ZCCHC2: variants seen among roughly 807,000 people sequenced by gnomAD.
The protein encoded by ZCCHC2 is zinc finger CCHC-type containing 2.
ZCCHC2 carries 39 observed loss-of-function variants against 103.6 expected under a neutral mutation model. The observed-to-expected ratio is 0.38, with a 90% CI of 0.29 to 0.49. The LOEUF is 0.49. Ranked by LOEUF, ZCCHC2 falls within the 20% of genes least tolerant of loss-of-function variation. The pLI, the probability that ZCCHC2 is intolerant of heterozygous loss-of-function variation, is 0.96. For synonymous variants in ZCCHC2, 687 were observed against 608.9 expected, an observed-to-expected ratio of 1.13 and a Z score of -1.89; for missense variants, 1,483 against 1,491.0, an observed-to-expected ratio of 0.99 and a Z score of 0.09.
rs749285447 is a variant in ZCCHC2 at position 62,574,859 on chromosome 18, C to T, written c.2778C>T (p.Gly926=). ...YPLPGSPLAA[G]VLPSQNSSVL... ...TACCAGGCTCTCCCCTTGCTGCCGG[C>T]GTGTTACCCAGCCAGAACTCCAGTG... is the stretch of plus-strand genomic sequence containing the variant. Residue 926 remains glycine, a synonymous_variant, in exon 13 of 14, where the codon GGC becomes GGT. Transcript: ENST00000269499. The T allele has an allele frequency of 1.1e-5, 17 of 1,613,726 alleles. No individual in the cohort carries two copies. The highest frequency in any genetic ancestry group is 3.3e-5 in the Admixed American group (2 of 60,010).
exon 15 of ZCCHC2, chr18:62,584,484 C>T (rs1001982007): frequency 1.3e-5 from 2 of 152,224 alleles, no homozygotes; most frequent in Non-Finnish European, 2.9e-5. Flanking sequence ...CTCCACCAGC[C>T]TCTCACCAGA....
chr18:62,533,433 CA>C (rs1456563685), intron 1 of ZCCHC2, among the ~76,000 whole-genome samples: 6 of 150,394 alleles, frequency 4.0e-5, no homozygotes, highest in African/African-American at 7.3e-5. Context: ...GCTGAGGCAG[CA>C]GAATCACTTG....
chr18:62,524,355 A>G lies in ZCCHC2; in HGVS notation c.931A>G (p.Arg311Gly), dbSNP rs1184359193. 5 of 1,523,404 alleles carry G rather than the reference A, an allele frequency of 3.3e-6. No homozygotes were observed. The highest frequency in any genetic ancestry group is 2.1e-5 in the Admixed American group (1 of 48,012). 94.4% of individuals were successfully genotyped at this position (1,523,404 alleles called of 1,614,324 possible). Residue 311 changes from arginine (R) to glycine (G), a missense_variant, in exon 1 of 14, where the codon AGG becomes GGG. Around this residue, in one of 3 missense-constraint regions of ZCCHC2, gnomAD observed 568 missense variants for 525.1 expected, o/e 1.08. Coordinates refer to ENST00000269499, the MANE Select transcript of ZCCHC2 (RefSeq NM_017742.6). ...AGAGCCGTGCAAGTTTGCCGGCCCC[A>G]GGGCCCAGGTAAGGCGCACGGAGCC... Reference protein sequence around the residue: ...EVEPCKFAGPRAQNNSAHGDY... With the variant: ...EVEPCKFAGPGAQNNSAHGDY...
chr18:62,573,686 G>A (rs1348637238), intron 12 of ZCCHC2, among the ~76,000 whole-genome samples: 1 of 152,166 alleles, frequency 6.6e-6, no homozygotes, highest in African/African-American at 2.4e-5. Flanking sequence ...AAGAACTTGG[G>A]TTGGCAGTGC....
Position 62,575,478 on chromosome 18 carries a change from T to C in ZCCHC2, c.3397T>C (p.Cys1133Arg). 1 of 1,614,044 alleles carries C rather than the reference T, an allele frequency of 6.2e-7. No homozygotes were observed. The highest frequency in any genetic ancestry group is 8.5e-7 in the Non-Finnish European group (1 of 1,179,892). ...SGPKKNGNVS[C>R]YNCGVSGHYA... The stretch of plus-strand genomic sequence containing the variant: ...GCCCAAGAAGAATGGGAATGTCTCA[T>C]GTTACAATTGTGGTGTAAGCGGACA... Residue 1133 changes from cysteine (C) to arginine (R), a missense_variant, in exon 13 of 14, where the codon TGT (cysteine) becomes CGT (arginine). This residue lies in a region of ZCCHC2 where 884 missense variants were observed against 907.5 expected (regional missense o/e 0.97). Coordinates refer to ENST00000269499, the MANE Select transcript of ZCCHC2 (RefSeq NM_017742.6).
intron 11 of ZCCHC2, among the ~76,000 whole-genome samples, chr18:62,565,538 G>A (rs983460711): frequency 1.2e-4 from 18 of 152,060 alleles, no homozygotes; most frequent in African/African-American, 4.1e-4. Flanking sequence ...GAGGCTTTAG[G>A]GGAATGTCAA....
rs538199444 is a variant in ZCCHC2, at chr18:62,571,160, A to T, written c.1975+929A>T. Among the ~76,000 whole-genome samples the T allele has an allele frequency of 3.9e-5, 6 of 152,244 alleles. No individual in the cohort carries two copies. The East Asian group carries it at 1.2e-3, about 29-fold the overall frequency. ...ACAGTTGCTTCTGACTAATTATGAC[A>T]AATGTCCTGCGGGTAAGAGGCTGTA... On this transcript the variant is annotated intron_variant, in intron 12 of 13. Transcript: ENST00000269499.
chr18:62,524,164 T>G lies in ZCCHC2; in HGVS notation c.740T>G (p.Val247Gly). The G allele has an allele frequency of 6.5e-7, 1 of 1,545,724 alleles. No individual in the cohort carries two copies. Among genetic ancestry groups the G allele is most frequent in the Non-Finnish European group, 8.7e-7 (1 of 1,145,724 alleles). ...GAAGGCGGCATTGTGGAGCCCCGGG[T>G]CGGCGGCGGGCTTGGCTCCAGGGCC... ...GPEGGIVEPRVGGGLGSRAQE... is the reference protein window; with the variant it reads ...GPEGGIVEPRGGGGLGSRAQE... Residue 247 changes from valine (V) to glycine (G), a missense_variant, in exon 1 of 14, where the codon GTC becomes GGC. By Grantham distance (109) the Val-to-Gly change is moderately radical. This residue lies in a region of ZCCHC2 where 568 missense variants were observed against 525.1 expected (regional missense o/e 1.08). Coordinates refer to ENST00000269499, the MANE Select transcript of ZCCHC2 (RefSeq NM_017742.6).
intron 1 of ZCCHC2, among the ~76,000 whole-genome samples, chr18:62,530,120 G>A (rs1914617707): frequency 6.6e-6 from 1 of 152,134 alleles, no homozygotes; most frequent in South Asian, 2.1e-4. Flanking sequence ...TGGGTATTGG[G>A]GGATAATTTT....
Position 62,574,446 on chromosome 18 carries a change from C to T in ZCCHC2, c.2365C>T (p.Leu789=), listed in dbSNP as rs1916725501. 2 of 1,614,050 alleles carry T rather than the reference C, an allele frequency of 1.2e-6. No homozygotes were observed. The highest frequency in any genetic ancestry group is 1.1e-5 in the South Asian group (1 of 91,088). Residue 789 remains leucine, a synonymous_variant, in exon 13 of 14, where the codon CTG becomes TTG. Coordinates refer to ENST00000269499, the MANE Select transcript of ZCCHC2 (RefSeq NM_017742.6). ...TGESEKHLEL[L]ASPLPIPSTF... ...AGAATCGGAAAAGCACCTTGAGTTA[C>T]TGGCTTCCCCTTTACCTATTCCATC...
chr18:62,552,875 G>C (rs148449371), intron 5 of ZCCHC2, among the ~76,000 whole-genome samples: 1,541 of 131,786 alleles, frequency 0.012, 27 homozygotes, highest in African/African-American at 0.042. Context: ...GGGCAACAGA[G>C]TAAGACCCTG....
At chr18:62,573,763 A>G (rs1916682981) in intron 12 of ZCCHC2, among the ~76,000 whole-genome samples, 1 of 152,222 alleles carries the variant, frequency 6.6e-6, no homozygotes, top group Admixed American at 6.5e-5. Flanking sequence ...TCTTCTCAGT[A>G]CAAAGATGGT....
In ZCCHC2 at chr18:62,523,376, G is replaced by GGGGGGGGGGCCC; in HGVS notation, c.-49_-48insGGGGGGGGGCCC. 7.9e-6 allele frequency: 8 copies of GGGGGGGGGGCCC among 1,012,338 alleles called. No homozygotes were observed. Among genetic ancestry groups the GGGGGGGGGGCCC allele is most frequent in the Non-Finnish European group, 8.2e-6 (7 of 848,974 alleles). The allele number at this position is 1,012,338 out of a possible 1,614,324, so 62.7% of individuals were successfully genotyped here. A position where few individuals can be genotyped will look rare whatever the true frequency, so the allele number is the denominator to read the frequency against. On this transcript the variant is annotated 5_prime_UTR_variant, in exon 1 of 14. Transcript: ENST00000269499. ...GCCTCGGCCCGTGCTCCACCTCGCG[G>GGGGGGGGGGCCC]CCCCTCCCGCCCGCCCCCGCTCGCA...
In ZCCHC2 at chr18:62,523,376, G is replaced by GCGGCCGCC; in HGVS notation, c.-48_-47insGGCCGCCC. On this transcript the variant is annotated 5_prime_UTR_variant, in exon 1 of 14. Transcript: ENST00000269499. ...GCCTCGGCCCGTGCTCCACCTCGCG[G>GCGGCCGCC]CCCCTCCCGCCCGCCCCCGCTCGCA... 9.9e-7 allele frequency: 1 copy of GCGGCCGCC among 1,012,356 alleles called. No homozygotes were observed. Among genetic ancestry groups the GCGGCCGCC allele is most frequent in the Non-Finnish European group, 1.2e-6 (1 of 848,992 alleles). The allele number at this position is 1,012,356 out of a possible 1,614,324, so 62.7% of individuals were successfully genotyped here.
At chr18:62,540,272 C>G (rs190287796) in intron 2 of ZCCHC2, among the ~76,000 whole-genome samples, 2 of 152,230 alleles carry the variant, frequency 1.3e-5, no homozygotes, top group East Asian at 3.9e-4. Context: ...GGAATGAATT[C>G]AAATTATTCT....
At chr18:62,543,297 T>C (rs541088470) in intron 3 of ZCCHC2, among the ~76,000 whole-genome samples, 1 of 152,222 alleles carries the variant, frequency 6.6e-6, no homozygotes, top group South Asian at 2.1e-4. Context: ...CTAGAATGTT[T>C]TCTCCTTCAT....
At chr18:62,525,495 G>C (rs559658863) in intron 1 of ZCCHC2, 2 of 148,828 alleles carry the variant, frequency 1.3e-5, no homozygotes, top group African/African-American at 4.9e-5. Context: ...CTCCTTGCTT[G>C]AACGTTAATT....
intron 12 of ZCCHC2, among the ~76,000 whole-genome samples, chr18:62,571,722 C>T (rs953783885): frequency 6.6e-6 from 1 of 152,210 alleles, no homozygotes; most frequent in Non-Finnish European, 1.5e-5. Flanking sequence ...CATCAAGTTA[C>T]TTCTCATGGT....
chr18:62,566,650 T>C (rs990126145), intron 11 of ZCCHC2, among the ~76,000 whole-genome samples: 1 of 152,220 alleles, frequency 6.6e-6, no homozygotes, highest in Non-Finnish European at 1.5e-5. Context: ...TTTGCAACTG[T>C]TTTTTCGATG....
Sources: gnomAD v4.1 joint callset for allele counts (sites outside exome capture counted in the v4.1 genomes callset) on GRCh38, gnomAD v4.1.1 for gene constraint, gnomAD v4.1.1 regional missense constraint, MANE v1.5 for transcripts, NCBI Gene and HGNC (gene_info 2026-07-23, HGNC 2026-07-21) for gene names.